Variants in IQCM observed in about 807,000 individuals in gnomAD.
IQCM encodes the protein IQ motif containing M.
IQCM carries 45 observed loss-of-function variants against 57.6 expected under a neutral mutation model. The observed-to-expected ratio is 0.78, with a 90% confidence interval of 0.62 to 1.00. The LOEUF is 1.00. IQCM is among the 50% of genes least tolerant of loss of function. IQCM has a pLI of 0.00. For synonymous variants in IQCM, 148 were observed against 158.9 expected, an observed-to-expected ratio of 0.93 and a Z score of 0.51; for missense variants, 468 against 511.6, an observed-to-expected ratio of 0.91 and a Z score of 0.82.
At chr4:149,444,429 T>G (rs1736286240) in intron 12 of IQCM, among the ~76,000 whole-genome samples, 1 of 151,934 alleles carries the variant, frequency 6.6e-6, no homozygotes, top group African/African-American at 2.4e-5. Context: ...CCCTCTGTTT[T>G]GTGCATGATA....
At chr4:149,418,567 G>A (rs2111206052) in intron 13 of IQCM, among the ~76,000 whole-genome samples, 1 of 152,132 alleles carries the variant, frequency 6.6e-6, no homozygotes, top group South Asian at 2.1e-4. Context: ...TGAAAAGAAG[G>A]AACTCCTCCA....
intron 7 of IQCM, among the ~76,000 whole-genome samples, chr4:149,630,023 A>C (rs1757129530): frequency 6.6e-6 from 1 of 152,150 alleles, no homozygotes; most frequent in Non-Finnish European, 1.5e-5. Flanking sequence ...ATCATTAGGT[A>C]AAAGTGAGAA....
chr4:149,371,424 T>C (rs536076240), intron 13 of IQCM, among the ~76,000 whole-genome samples: 3 of 152,244 alleles, frequency 2.0e-5, no homozygotes, highest in South Asian at 4.1e-4. Flanking sequence ...AACCCACTTA[T>C]TTTCACCAAT....
rs183812178 is a variant in IQCM at position 149,811,344 on chromosome 4, T to C, written c.-49+3967A>G. Among the ~76,000 whole-genome samples, 8 of 152,326 alleles carry C rather than the reference T, an allele frequency of 5.3e-5. No individual in the cohort carries two copies. In the East Asian group the frequency reaches 1.3e-3, roughly 26 times the overall value. On this transcript the variant is annotated intron_variant, in intron 2 of 13. Coordinates refer to ENST00000636793, the MANE Select transcript of IQCM (RefSeq NM_001363507.2). The stretch of plus-strand genomic sequence containing the variant: ...TTGGATAATAATTAATCCATAACCA[T>C]GTTTAATGAATAACATATACATAGT...
chr4:149,368,772 A>ATG, intron 13 of IQCM, among the ~76,000 whole-genome samples: 1 of 80,974 alleles, frequency 1.2e-5, no homozygotes, highest in Non-Finnish European at 3.1e-5. Context: ...ATATATATAC[A>ATG]TATATATACA....
chr4:149,803,931 T>C (rs1393100569), intron 2 of IQCM, among the ~76,000 whole-genome samples: 2 of 151,952 alleles, frequency 1.3e-5, no homozygotes, highest in African/African-American at 4.8e-5. Flanking sequence ...CTCAGTCTTT[T>C]AATGAGCCTC....
At chr4:149,465,346 C>G (rs1738743151) in intron 12 of IQCM, among the ~76,000 whole-genome samples, 1 of 152,118 alleles carries the variant, frequency 6.6e-6, no homozygotes, top group South Asian at 2.1e-4. Context: ...CCTTGTGGCA[C>G]AGCCACTAGA....
chr4:149,608,639 C>A (rs1755003437), intron 8 of IQCM, among the ~76,000 whole-genome samples: 1 of 151,482 alleles, frequency 6.6e-6, no homozygotes, highest in Non-Finnish European at 1.5e-5. Flanking sequence ...ACATATGGAA[C>A]TTAATATATT....
intron 2 of IQCM, among the ~76,000 whole-genome samples, chr4:149,813,103 CA>C (rs200006292): frequency 6.6e-6 from 1 of 151,856 alleles, no homozygotes; most frequent in African/African-American, 2.4e-5. Flanking sequence ...GGTTACTTCA[CA>C]AAAAAAGCAT....
At chr4:149,450,752 CTGTT>C (rs1737024366) in intron 12 of IQCM, among the ~76,000 whole-genome samples, 1 of 151,852 alleles carries the variant, frequency 6.6e-6, no homozygotes, top group African/African-American at 2.4e-5. Flanking sequence ...CCCTCAAACA[CTGTT>C]TGTGGTAATG....
chr4:149,739,649 T>G (rs755680275), intron 3 of IQCM, among the ~76,000 whole-genome samples: 23 of 152,058 alleles, frequency 1.5e-4, no homozygotes, highest in Admixed American at 4.6e-4. Flanking sequence ...CCAAAAGCAA[T>G]AGTAAGTCAT....
intron 12 of IQCM, among the ~76,000 whole-genome samples, chr4:149,492,602 G>A (rs999525306): frequency 5.3e-5 from 8 of 152,012 alleles, no homozygotes; most frequent in Admixed American, 2.6e-4. Flanking sequence ...AGGCCCATTC[G>A]AACATCTTGC....
At chr4:149,627,797 G>A (rs575067747) in intron 7 of IQCM, among the ~76,000 whole-genome samples, 9 of 152,146 alleles carry the variant, frequency 5.9e-5, no homozygotes, top group Non-Finnish European at 1.0e-4. Flanking sequence ...GAAATGGGGA[G>A]GGAGATTATC....
chr4:149,797,431 C>A (rs114649361), intron 2 of IQCM, among the ~76,000 whole-genome samples: 3,342 of 151,682 alleles, frequency 0.022, 65 homozygotes, highest in South Asian at 0.036. Flanking sequence ...TAGAAAATAG[C>A]CTTAAAAGGG....
intron 12 of IQCM, among the ~76,000 whole-genome samples, chr4:149,546,341 G>A (rs1486997585): frequency 1.3e-5 from 2 of 152,134 alleles, no homozygotes; most frequent in Non-Finnish European, 2.9e-5. Flanking sequence ...ACCCAGTAAT[G>A]GGATGGCTGG....
Position 149,700,022 on chromosome 4 carries a change from C to G in IQCM, c.386-13554G>C, listed in dbSNP as rs142516228. Reference sequence around the variant, plus strand: ...CAGTGTTCCTTTTTTGTGGTACTAACTGCATTATTCATGTAGATAACACCT... The same window carrying G: ...CAGTGTTCCTTTTTTGTGGTACTAAGTGCATTATTCATGTAGATAACACCT... On this transcript the variant is annotated intron_variant, in intron 5 of 13. Coordinates refer to ENST00000636793, the MANE Select transcript of IQCM (RefSeq NM_001363507.2). 5.5e-3 allele frequency among the ~76,000 whole-genome samples: 832 copies of G among 152,020 alleles called. 9 individuals carry two copies. The highest frequency in any genetic ancestry group is 0.019 in the African/African-American group (789 of 41,478).
intron 12 of IQCM, among the ~76,000 whole-genome samples, chr4:149,494,471 G>A (rs1399570038): frequency 6.6e-6 from 1 of 152,036 alleles, no homozygotes; most frequent in Non-Finnish European, 1.5e-5. Flanking sequence ...TGACAGCCCT[G>A]ATTAGGAAAC....
At chr4:149,725,357 T>C (rs1765798442) in intron 5 of IQCM, among the ~76,000 whole-genome samples, 1 of 152,304 alleles carries the variant, frequency 6.6e-6, no homozygotes, top group African/African-American at 2.4e-5. Flanking sequence ...CATGCTTCCA[T>C]TCACCCTGAA....
intron 5 of IQCM, among the ~76,000 whole-genome samples, chr4:149,710,436 G>A (rs1580085419): frequency 6.6e-6 from 1 of 152,024 alleles, no homozygotes; most frequent in South Asian, 2.1e-4. Context: ...AGCCATTTTG[G>A]ACAATTCATC....
Sources: allele counts gnomAD v4.1 joint callset (sites outside exome capture counted in the v4.1 genomes callset), GRCh38; gene constraint gnomAD v4.1.1; transcripts MANE v1.5; gene names NCBI Gene and HGNC (gene_info 2026-07-23, HGNC 2026-07-21).